SUPV3L1: variants seen among roughly 807,000 people sequenced by gnomAD.
SUPV3L1 encodes the protein Suv3 like RNA helicase.
In SUPV3L1, 35 loss-of-function variants were observed where a neutral mutation model predicts 70.0. The observed-to-expected ratio is 0.50, with a 90% CI of 0.38 to 0.66. The LOEUF is 0.66. Ranked by LOEUF, SUPV3L1 falls within the 30% of genes least tolerant of loss-of-function variation. The pLI is 0.00. For synonymous variants in SUPV3L1, 364 were observed against 341.9 expected (o/e 1.06, Z -0.71); for missense variants, 777 against 961.5 (o/e 0.81, Z 2.54).
intron 8 of SUPV3L1, 54 bp downstream of exon 8, chr10:69,197,137 C>T: frequency 6.7e-7 from 1 of 1,495,356 alleles, no homozygotes; most frequent in Non-Finnish European, 9.3e-7. Flanking sequence ...GTCCAGAGTA[C>T]CTAGGCAGTG....
rs1842515970 is a variant in SUPV3L1, at chr10:69,195,358, A to G, written c.931+93A>G. 8.7e-6 allele frequency: 7 copies of G among 801,412 alleles called. No homozygotes were observed. The East Asian group carries it at 2.1e-4, about 24-fold the overall frequency. 49.6% of individuals were successfully genotyped at this position (801,412 alleles called of 1,614,324 possible). On this transcript the variant is annotated intron_variant, in intron 7 of 14. Coordinates refer to ENST00000359655, the MANE Select transcript of SUPV3L1 (RefSeq NM_003171.5). The stretch of plus-strand genomic sequence containing the variant: ...TTGCCATTGCCAACCAAATAGAGTC[A>G]CCTAGAACCTTTCTTTTTGACACAA...
intron 6 of SUPV3L1, among the ~76,000 whole-genome samples, chr10:69,193,641 C>T (rs1842460833): frequency 6.6e-6 from 1 of 152,044 alleles, no homozygotes; most frequent in Non-Finnish European, 1.5e-5. Flanking sequence ...AACTCCCGGG[C>T]TCAAGCAGTC....
At position 69,198,560 on chromosome 10, in the gene SUPV3L1, T is replaced by C. The variant is rs771971291; in HGVS notation, c.1204+8T>C. ...ATGGCAGTCTCCCACCTGGTAATTA[T>C]TGACTTTCCTCGTGACAAGATATGA... On this transcript the variant is annotated splice_region_variant and intron_variant, in intron 9 of 14. Transcript: ENST00000359655. The C allele has an allele frequency of 1.9e-6, 3 of 1,610,980 alleles. No individual in the cohort carries two copies. Among genetic ancestry groups the C allele is most frequent in the South Asian group, 2.2e-5 (2 of 90,166 alleles).
At chr10:69,203,176 A>G in intron 13 of SUPV3L1, 133 bp downstream of exon 13, 2 of 891,288 alleles carry the variant, frequency 2.2e-6, no homozygotes, top group Non-Finnish European at 3.3e-6. Flanking sequence ...AAACTTAAAT[A>G]GGGGTTAATA....
At chr10:69,186,338 AAAAAAAG>A (rs1271587643) in intron 2 of SUPV3L1, 98 bp from the exon 3 acceptor site, 79 of 663,210 alleles carry the variant, frequency 1.2e-4, no homozygotes, top group Non-Finnish European at 1.6e-4. Context: ...AAAAAAAAAA[AAAAAAAG>A]AAAAAAAAAG....
chr10:69,202,584 A>G (rs1441685973), intron 12 of SUPV3L1, 65 bp downstream of exon 12: 23 of 1,443,992 alleles, frequency 1.6e-5, no homozygotes, highest in Non-Finnish European at 2.1e-5. Flanking sequence ...TTACTGGTTA[A>G]CCTCATGAGC....
chr10:69,202,766 C>T, intron 12 of SUPV3L1, 101 bp from the exon 13 acceptor site: 1 of 1,272,036 alleles, frequency 7.9e-7, no homozygotes. Context: ...GAAGTTTGTT[C>T]TGGATTAAAG....
intron 11 of SUPV3L1, 141 bp downstream of exon 11, chr10:69,200,640 TA>T (rs3215155): frequency 0.54 from 347,639 of 644,760 alleles, 100,409 homozygotes; most frequent in Middle Eastern, 0.73. Context: ...AAAACTGCAT[TA>T]AAAAAAGCCC....
chr10:69,196,207 C>G (rs1394232215), intron 7 of SUPV3L1, among the ~76,000 whole-genome samples: 2 of 151,928 alleles, frequency 1.3e-5, no homozygotes, highest in African/African-American at 4.8e-5. Flanking sequence ...AATAGCTGAA[C>G]TTGGCTGGGT....
intron 7 of SUPV3L1, 165 bp downstream of exon 7, chr10:69,195,430 TAATG>T (rs1842517711): frequency 7.1e-6 from 3 of 421,656 alleles, no homozygotes. Context: ...ATTATTTTAA[TAATG>T]GGAAATCTAT....
At chr10:69,208,516 G>A (rs1203096499) in intron 14 of SUPV3L1, 84 bp from the exon 15 acceptor site, 1 of 1,365,684 alleles carries the variant, frequency 7.3e-7, no homozygotes, top group Non-Finnish European at 1.0e-6. Flanking sequence ...ATTTATCAAT[G>A]TCATGATGTA....
chr10:69,186,401 T>G, intron 2 of SUPV3L1, 42 bp from the exon 3 acceptor site: 41 of 1,455,070 alleles, frequency 2.8e-5, no homozygotes, highest in Non-Finnish European at 3.7e-5. Context: ...CTTTTTAAAA[T>G]GAGAACTACA....
chr10:69,198,607 A>G, intron 9 of SUPV3L1, 55 bp downstream of exon 9: 1 of 1,529,686 alleles, frequency 6.5e-7, no homozygotes, highest in Non-Finnish European at 8.9e-7. Flanking sequence ...TTTGCAATTT[A>G]TGTTGAGATA....
At chr10:69,190,718 T>G (rs1842368684) in intron 5 of SUPV3L1, among the ~76,000 whole-genome samples, 1 of 152,262 alleles carries the variant, frequency 6.6e-6, no homozygotes, top group Non-Finnish European at 1.5e-5. Flanking sequence ...GGACAGTTCC[T>G]CAGTCTTCCT....
rs1842597705 is a variant in SUPV3L1 at position 69,198,415 on chromosome 10, A to G, written c.1067A>G (p.His356Arg). The G allele has an allele frequency of 1.2e-6, 2 of 1,614,022 alleles. No homozygotes were observed. The change falls in exon 9 of 15, where the codon CAT becomes CGT. Residue 356 changes from histidine to arginine, a missense_variant. His to Arg is a conservative substitution (Grantham distance 29, BLOSUM62 0). Around this residue, in one of 2 missense-constraint regions of SUPV3L1, gnomAD observed 619 missense variants for 823.3 expected, o/e 0.75. Coordinates refer to ENST00000359655, the MANE Select transcript of SUPV3L1 (RefSeq NM_003171.5). Reference protein sequence around the residue: ...KRLTPISVLDHALESLDNLRP... With the variant: ...KRLTPISVLDRALESLDNLRP... Reference sequence around the variant, plus strand: ...CTTACCCCCATTTCTGTGCTGGACCATGCACTAGAATCTTTAGATAACCTT... The same window carrying G: ...CTTACCCCCATTTCTGTGCTGGACCGTGCACTAGAATCTTTAGATAACCTT...
intron 13 of SUPV3L1, among the ~76,000 whole-genome samples, chr10:69,204,208 T>A (rs947403378): frequency 2.0e-5 from 3 of 152,096 alleles, no homozygotes; most frequent in Non-Finnish European, 4.4e-5. Context: ...AGGGAAGCGG[T>A]TCAGAACTGT....
Position 69,200,435 on chromosome 10 carries a change from C to T in SUPV3L1, c.1454C>T (p.Thr485Ile), listed in dbSNP as rs776029302. 6.2e-6 allele frequency: 10 copies of T among 1,614,126 alleles called. No homozygotes were observed. The highest frequency in any genetic ancestry group is 8.5e-6 in the Non-Finnish European group (10 of 1,180,028). Reference sequence around the variant, plus strand: ...CGGTTTAAAGAAGGAGAGGTTACAACAATGAATCATGAAGATCTCAGTTTA... The same window carrying T: ...CGGTTTAAAGAAGGAGAGGTTACAATAATGAATCATGAAGATCTCAGTTTA... ...SSRFKEGEVT[T>I]MNHEDLSLLK... The change falls in exon 11 of 15, where the codon ACA becomes ATA. Residue 485 changes from threonine to isoleucine, a missense_variant. Coordinates refer to ENST00000359655, the MANE Select transcript of SUPV3L1 (RefSeq NM_003171.5).
At chr10:69,200,880 T>G (rs1162659487) in intron 11 of SUPV3L1, among the ~76,000 whole-genome samples, 1 of 152,204 alleles carries the variant, frequency 6.6e-6, no homozygotes, top group Admixed American at 6.5e-5. Context: ...CTTGTATTGC[T>G]TGGGGCAAAA....
intron 1 of SUPV3L1, among the ~76,000 whole-genome samples, chr10:69,181,521 C>G (rs958216550): frequency 1.3e-5 from 2 of 152,138 alleles, no homozygotes; most frequent in Non-Finnish European, 2.9e-5. Context: ...TTAAGCAAGG[C>G]CTTTCACTTT....
Sources: gnomAD v4.1 joint callset for allele counts (sites outside exome capture counted in the v4.1 genomes callset) on GRCh38, gnomAD v4.1.1 for gene constraint, gnomAD v4.1.1 regional missense constraint, MANE v1.5 for transcripts, NCBI Gene and HGNC (gene_info 2026-07-23, HGNC 2026-07-21) for gene names.